The following ZNF184 variants were observed in gnomAD, a reference collection of about 807,000 sequenced individuals.
The protein encoded by ZNF184 is zinc finger protein 184.
Under a neutral mutation model 54.4 loss-of-function variants are expected in ZNF184, and 16 were observed. The observed-to-expected ratio is 0.29, with a 90% CI of 0.20 to 0.45. The LOEUF is 0.45. Among genes scored for constraint, ZNF184 ranks in the 20% least tolerant of loss-of-function variants. The pLI, the probability that ZNF184 is intolerant of heterozygous loss-of-function variation, is 1.00. For missense variants in ZNF184, 681 were observed against 888.2 expected, an observed-to-expected ratio of 0.77 and a Z score of 2.97; for synonymous variants, 254 against 295.3, an observed-to-expected ratio of 0.86 and a Z score of 1.43.
downstream of ZNF184, among the ~76,000 whole-genome samples, chr6:27,447,441 A>G (rs1262425069): frequency 6.6e-6 from 1 of 152,098 alleles, no homozygotes; most frequent in Non-Finnish European, 1.5e-5. Context: ...GGCCGGGCAC[A>G]GTGACTCATG....
the ZNF184 span, among the ~76,000 whole-genome samples, chr6:27,410,278 A>T: frequency 6.6e-6 from 1 of 152,200 alleles, no homozygotes; most frequent in Non-Finnish European, 1.5e-5. Flanking sequence ...AGGGACCAGG[A>T]TTTTACTCCA....
chr6:27,422,153 AAAG>A, the ZNF184 span, among the ~76,000 whole-genome samples: 3 of 23,630 alleles, frequency 1.3e-4, no homozygotes, highest in South Asian at 1.4e-3. Context: ...AAAAAAAAAG[AAAG>A]AAAGAAAGAA....
the ZNF184 span, among the ~76,000 whole-genome samples, chr6:27,411,919 C>T: frequency 1.5e-4 from 23 of 152,172 alleles, no homozygotes; most frequent in Non-Finnish European, 2.1e-4. Context: ...GTGGGAATCC[C>T]AGTAGGTGAG....
At chr6:27,404,345 A>C in the ZNF184 span, 1 of 152,250 alleles carries the variant, frequency 6.6e-6, no homozygotes, top group African/African-American at 2.4e-5. Context: ...TGATATAAAA[A>C]AAATTATATT....
the ZNF184 span, among the ~76,000 whole-genome samples, chr6:27,438,375 G>C: frequency 1.3e-5 from 2 of 152,136 alleles, no homozygotes; most frequent in Admixed American, 1.3e-4. Flanking sequence ...ACAGGAAAAG[G>C]AAATACTGGA....
the ZNF184 span, among the ~76,000 whole-genome samples, chr6:27,424,350 A>G: frequency 7.9e-3 from 1,197 of 152,334 alleles, 13 homozygotes; most frequent in East Asian, 0.064. Context: ...AAGCTTCCAC[A>G]GGGTACAAGG....
At chr6:27,426,448 C>G in the ZNF184 span, among the ~76,000 whole-genome samples, 1 of 152,152 alleles carries the variant, frequency 6.6e-6, no homozygotes, top group African/African-American at 2.4e-5. This position sits in a 1 kb window ranked among gnomAD's most constrained non-coding sequence, Gnocchi z 4.2. Flanking sequence ...TTAGAAGGTG[C>G]CTGCCATCTG....
At chr6:27,417,483 T>C in the ZNF184 span, among the ~76,000 whole-genome samples, 3 of 152,254 alleles carry the variant, frequency 2.0e-5, no homozygotes, top group East Asian at 5.8e-4. Flanking sequence ...CCTCCCAAAC[T>C]GGTGTTGGAC....
At chr6:27,447,435 G>T (rs149265987), downstream of ZNF184, among the ~76,000 whole-genome samples, 6 of 151,864 alleles carry the variant, frequency 4.0e-5, no homozygotes, top group Admixed American at 3.9e-4. Flanking sequence ...TAGGTCGGCC[G>T]GGCACAGTGA....
At chr6:27,424,869 G>A in the ZNF184 span, among the ~76,000 whole-genome samples, 19 of 152,232 alleles carry the variant, frequency 1.2e-4, no homozygotes, top group Non-Finnish European at 1.2e-4. Flanking sequence ...GGGCGCCGTG[G>A]AACAGGGGGT....
In ZNF184 at chr6:27,452,025, T is replaced by C. The variant is rs1762739760; in HGVS notation, c.1534A>G (p.Ser512Gly). ...FECSECGKAF[S>G]YLSNLNQHQK... ...TGCTGATTAAGGTTTGAGAGATAAC[T>C]GAAAGCCTTTCCACATTCACTGCAT... The change falls in exon 6 of 6, where the codon AGT becomes GGT. Residue 512 changes from serine (S) to glycine (G), a missense_variant. Physicochemically the swap from Ser to Gly is moderately conservative, Grantham distance 56. Coordinates refer to ENST00000683788, the MANE Select transcript of ZNF184 (RefSeq NM_001318891.2). The surrounding 1 kb of genome is among the most constrained non-coding windows in gnomAD (Gnocchi z 5.5). The C allele has an allele frequency of 1.2e-6, 2 of 1,614,014 alleles. No homozygotes were observed. Among genetic ancestry groups the C allele is most frequent in the Non-Finnish European group, 1.7e-6 (2 of 1,180,018 alleles).
At chr6:27,430,746 G>A in the ZNF184 span, among the ~76,000 whole-genome samples, 1 of 152,314 alleles carries the variant, frequency 6.6e-6, no homozygotes, top group South Asian at 2.1e-4. Flanking sequence ...AAGCATATTT[G>A]TGGCAATTTA....
the ZNF184 span, among the ~76,000 whole-genome samples, chr6:27,410,979 G>A: frequency 6.6e-6 from 1 of 152,232 alleles, no homozygotes; most frequent in African/African-American, 2.4e-5. Flanking sequence ...TTGGGAAACA[G>A]AAGTGGACAG....
At chr6:27,442,864 A>AAG in the ZNF184 span, among the ~76,000 whole-genome samples, 30 of 79,408 alleles carry the variant, frequency 3.8e-4, 4 homozygotes, top group African/African-American at 1.1e-3. Context: ...GAAAGAAAGA[A>AAG]AGAAAGAAAG....
chr6:27,416,551 C>T, the ZNF184 span, among the ~76,000 whole-genome samples: 22 of 152,078 alleles, frequency 1.4e-4, no homozygotes, highest in Non-Finnish European at 5.9e-5. Context: ...CCTTTAGTTT[C>T]GGGTATGAGG....
At chr6:27,450,744 G>C (rs1561833757), downstream of ZNF184, 1 of 151,396 alleles carries the variant, frequency 6.6e-6, no homozygotes, top group Non-Finnish European at 1.5e-5. Flanking sequence ...AAACAGACTA[G>C]AAGAAGAATA....
the ZNF184 span, among the ~76,000 whole-genome samples, chr6:27,444,128 G>T: frequency 1.3e-5 from 2 of 152,024 alleles, no homozygotes; most frequent in African/African-American, 4.8e-5. Context: ...GAGGTGACCT[G>T]ATCTCCTCTT....
the ZNF184 span, among the ~76,000 whole-genome samples, chr6:27,423,279 G>A: frequency 9.9e-3 from 1,459 of 147,196 alleles, 20 homozygotes; most frequent in African/African-American, 0.025. Flanking sequence ...GGTGGGTAAA[G>A]TGCTGTCTCT....
the ZNF184 span, among the ~76,000 whole-genome samples, chr6:27,444,215 C>A: frequency 3.5e-4 from 53 of 152,216 alleles, 3 homozygotes; most frequent in South Asian, 0.011. Context: ...AAAATAGAAG[C>A]AATCAGGACA....
Sources: allele counts gnomAD v4.1 joint callset (sites outside exome capture counted in the v4.1 genomes callset), GRCh38; gene constraint gnomAD v4.1.1; non-coding constraint Gnocchi (gnomAD v3.1); transcripts MANE v1.5; gene names NCBI Gene and HGNC (gene_info 2026-07-23, HGNC 2026-07-21).